The following ERG variants were observed in gnomAD, a reference collection of about 807,000 sequenced individuals.
ERG encodes the protein ETS transcription factor ERG.
A neutral mutation model predicts 55.3 loss-of-function variants in ERG; 9 were observed. The observed-to-expected ratio is 0.16, with a 90% confidence interval of 0.10 to 0.28. ERG has a LOEUF of 0.28. ERG is among the 10% of genes least tolerant of loss of function. The pLI is 1.00. For missense variants in ERG, 434 were observed against 631.6 expected (o/e 0.69, Z 3.35); for synonymous variants, 223 against 237.3 (o/e 0.94, Z 0.55).
At chr21:38,579,521 G>A (rs745726997) in intron 1 of ERG, among the ~76,000 whole-genome samples, 1 of 152,208 alleles carries the variant, frequency 6.6e-6, no homozygotes, top group Non-Finnish European at 1.5e-5. Flanking sequence ...GCAGAGACAA[G>A]AGGGTGCCAC....
At chr21:38,486,458 A>C (rs796783827) in intron 1 of ERG, among the ~76,000 whole-genome samples, 2 of 152,118 alleles carry the variant, frequency 1.3e-5, no homozygotes, top group African/African-American at 4.8e-5. Context: ...TCATCTAACA[A>C]CTCATTTCTC....
chr21:38,569,172 C>G (rs2059941841), intron 2 of ERG, among the ~76,000 whole-genome samples: 3 of 152,214 alleles, frequency 2.0e-5, no homozygotes, highest in Non-Finnish European at 4.4e-5. Flanking sequence ...CTCTCCCTCC[C>G]CCCCCACCCC....
At chr21:38,627,683 G>C (rs117077593) in intron 1 of ERG, among the ~76,000 whole-genome samples, 146 of 152,266 alleles carry the variant, frequency 9.6e-4, no homozygotes, top group Non-Finnish European at 1.7e-3. Flanking sequence ...TGTTTGAAAT[G>C]GGAAATGAAC....
chr21:38,434,222 T>G (rs1990356954), intron 2 of ERG, among the ~76,000 whole-genome samples: 1 of 152,216 alleles, frequency 6.6e-6, no homozygotes, highest in African/African-American at 2.4e-5. Context: ...TCAGTGTCTC[T>G]ATTAACATGG....
chr21:38,376,977 TAGATAAGGGGAGGGCACTCCATTTG>T (rs1771291715), downstream of ERG, among the ~76,000 whole-genome samples: 1 of 152,178 alleles, frequency 6.6e-6, no homozygotes, highest in East Asian at 1.9e-4. Flanking sequence ...CCAGCATAGC[TAGATAAGGGGAGGGCACTCCATTTG>T]ACATGCCCTG....
At chr21:38,389,981 A>G (rs1987896019) in intron 9 of ERG, among the ~76,000 whole-genome samples, 1 of 152,188 alleles carries the variant, frequency 6.6e-6, no homozygotes, top group East Asian at 1.9e-4. Flanking sequence ...TTAAATCTTA[A>G]TTATTCCATT....
intron 2 of ERG, among the ~76,000 whole-genome samples, chr21:38,440,839 CG>C (rs2058834914): frequency 6.7e-6 from 1 of 149,550 alleles, no homozygotes; most frequent in East Asian, 2.0e-4. Flanking sequence ...GCAAAGCCTG[CG>C]GATGGGATCC....
At chr21:38,656,323 C>T (rs1275209019) in intron 1 of ERG, among the ~76,000 whole-genome samples, 1 of 152,094 alleles carries the variant, frequency 6.6e-6, no homozygotes, top group East Asian at 1.9e-4. Flanking sequence ...AGGAACAGCA[C>T]GTTCCCATTG....
chr21:38,410,758 G>A (rs1044052595), intron 3 of ERG, among the ~76,000 whole-genome samples: 7 of 152,274 alleles, frequency 4.6e-5, no homozygotes, highest in East Asian at 3.9e-4. Flanking sequence ...GCCTCACACA[G>A]GCAAACATCT....
At chr21:38,596,065 G>GTT (rs2060129744) in intron 1 of ERG, among the ~76,000 whole-genome samples, 1 of 150,116 alleles carries the variant, frequency 6.7e-6, no homozygotes, top group Non-Finnish European at 1.5e-5. Flanking sequence ...TTGGGGGGGG[G>GTT]GGGTCTCTTT....
chr21:38,645,682 C>G (rs1319556715), intron 1 of ERG, among the ~76,000 whole-genome samples: 1 of 152,128 alleles, frequency 6.6e-6, no homozygotes, highest in Non-Finnish European at 1.5e-5. Context: ...AAAGAGTGAG[C>G]TTTTACAACT....
intron 5 of ERG, among the ~76,000 whole-genome samples, chr21:38,401,555 C>T (rs987197281): frequency 6.6e-6 from 1 of 152,178 alleles, no homozygotes. Flanking sequence ...CCGGGACTCA[C>T]TCACATTTTA....
chr21:38,373,409 G>A, the ERG span, among the ~76,000 whole-genome samples: 32 of 152,302 alleles, frequency 2.1e-4, no homozygotes, highest in East Asian at 3.5e-3. Context: ...ATGCTGAGAC[G>A]TAAGATCTGG....
intron 1 of ERG, among the ~76,000 whole-genome samples, chr21:38,608,967 G>T (rs1306002061): frequency 2.0e-5 from 3 of 152,168 alleles, no homozygotes; most frequent in African/African-American, 7.2e-5. Context: ...ACAGCACAAT[G>T]ATTACTACAC....
chr21:38,376,429 C>T (rs1987245513), downstream of ERG, among the ~76,000 whole-genome samples: 1 of 152,182 alleles, frequency 6.6e-6, no homozygotes, highest in South Asian at 2.1e-4. Flanking sequence ...TGATGGAAAC[C>T]GGTTCTGGTC....
Position 38,442,888 on chromosome 21 carries a change from A to G in ERG, c.236+2516T>C, listed in dbSNP as rs576594293. ...AGTGGCGCGATCTCGGCTCACTGCA[A>G]GCTCCGCCTCCCGGGTTCATGCCAT... is the stretch of plus-strand genomic sequence containing the variant. On this transcript the variant is annotated intron_variant, in intron 2 of 9. Coordinates refer to ENST00000288319, the MANE Select transcript of ERG (RefSeq NM_182918.4). Among the ~76,000 whole-genome samples the G allele has an allele frequency of 1.7e-3, 254 of 152,196 alleles. 3 individuals are homozygous for G. Among genetic ancestry groups the G allele is most frequent in the Middle Eastern group, 6.8e-3 (2 of 294 alleles).
Position 38,538,523 on chromosome 21 carries a change from C to T in ERG, c.-41+37139G>A, listed in dbSNP as rs549706542. Reference sequence around the variant, plus strand: ...CATCTAGCCACTCCCTGCTTTATGACTGAGCTGCACTGGGAGAGGCATTGT... The same window carrying T: ...CATCTAGCCACTCCCTGCTTTATGATTGAGCTGCACTGGGAGAGGCATTGT... On this transcript the variant is annotated intron_variant, in intron 2 of 8. Transcript: ENST00000398897. 4.0e-4 allele frequency among the ~76,000 whole-genome samples: 61 copies of T among 152,174 alleles called. 1 individual carries two copies. Among genetic ancestry groups the T allele is most frequent in the African/African-American group, 1.5e-3 (61 of 41,534 alleles).
chr21:38,445,453 T>C lies in ERG; in HGVS notation c.187A>G (p.Arg63Gly). The stretch of plus-strand genomic sequence containing the variant: ...TTACATTCCATTTTGATGGTGACCC[T>C]GGCTGGGGGTTGAGACAGCCAATCC... ...QQDWLSQPPA[R>G]VTIKMECNPS... The change falls in exon 2 of 10, where the codon AGG becomes GGG. Residue 63 changes from arginine (R) to glycine (G), a missense_variant. Physicochemically the swap from Arg to Gly is moderately radical, Grantham distance 125. This residue lies in a region of ERG where 212 missense variants were observed against 262.9 expected (regional missense o/e 0.81). Transcript: ENST00000288319. 1 of 1,614,194 alleles carries C rather than the reference T, an allele frequency of 6.2e-7. No homozygotes were observed. The highest frequency in any genetic ancestry group is 8.5e-7 in the Non-Finnish European group (1 of 1,180,022).
At chr21:38,553,528 C>T (rs917413474) in intron 2 of ERG, among the ~76,000 whole-genome samples, 1 of 152,144 alleles carries the variant, frequency 6.6e-6, no homozygotes, top group Non-Finnish European at 1.5e-5. Context: ...GAAGTAATGT[C>T]ACACATCTAT....
Sources: gnomAD v4.1 joint callset for allele counts (sites outside exome capture counted in the v4.1 genomes callset) on GRCh38, gnomAD v4.1.1 for gene constraint, gnomAD v4.1.1 regional missense constraint, MANE v1.5 for transcripts, NCBI Gene and HGNC (gene_info 2026-07-23, HGNC 2026-07-21) for gene names.